CUX2: variants seen among roughly 807,000 people sequenced by gnomAD.
The protein encoded by CUX2 is homeobox protein cut-like 2.
In CUX2, 40 loss-of-function variants were observed where a neutral mutation model predicts 144.8. The observed-to-expected ratio is 0.28, with a 90% CI of 0.21 to 0.36. The LOEUF (loss-of-function observed/expected upper bound fraction) is 0.36, where lower values mean the gene tolerates loss of function less well. Ranked by LOEUF, CUX2 falls within the 10% of genes least tolerant of loss-of-function variation. The pLI, the probability that CUX2 is intolerant of heterozygous loss-of-function variation, is 1.00. For missense variants in CUX2, 1,615 were observed against 1,994.0 expected (o/e 0.81, Z 3.62); for synonymous variants, 827 against 875.6 (o/e 0.94, Z 0.98).
At chr12:111,336,108 G>A (rs1325462217) in intron 19 of CUX2, among the ~76,000 whole-genome samples, 2 of 152,130 alleles carry the variant, frequency 1.3e-5, no homozygotes, top group Non-Finnish European at 2.9e-5. Context: ...CCAGGAAGAC[G>A]TGGAGAACCC....
chr12:111,231,873 TG>T (rs1349895067), intron 3 of CUX2, among the ~76,000 whole-genome samples: 2 of 152,124 alleles, frequency 1.3e-5, no homozygotes, highest in Non-Finnish European at 2.9e-5. Context: ...TTTGGGAGGC[TG>T]GGGCAGGTAG....
chr12:111,341,487 G>T (rs1219110739), intron 20 of CUX2, among the ~76,000 whole-genome samples: 1 of 152,196 alleles, frequency 6.6e-6, no homozygotes, highest in Non-Finnish European at 1.5e-5. Context: ...ATACTGTAGA[G>T]CACCCTGTTT....
rs1887471513 is a variant in CUX2, at chr12:111,320,532, G to C, written c.2523G>C (p.Gly841=). 6.4e-7 allele frequency: 1 copy of C among 1,555,636 alleles called. No individual in the cohort carries two copies. The highest frequency in any genetic ancestry group is 1.2e-5 in the South Asian group (1 of 86,486). Reference sequence around the variant, plus strand: ...CCCCCGAGGACGAGGCGGCGGCAGGGGCGGAGGACGAACCCCCCAGGACGG... The same window carrying C: ...CCCCCGAGGACGAGGCGGCGGCAGGCGCGGAGGACGAACCCCCCAGGACGG... ...PVPPEDEAAA[G]AEDEPPRTGE... Residue 841 remains glycine, a synonymous_variant, in exon 17 of 22, where the codon GGG becomes GGC. Transcript: ENST00000261726. The surrounding 1 kb of genome is among the most constrained non-coding windows in gnomAD (Gnocchi z 8.1).
rs1200984150 is a variant in CUX2, at chr12:111,347,675, A to G, written c.3811A>G (p.Thr1271Ala). The G allele has an allele frequency of 6.2e-7, 1 of 1,613,478 alleles. No homozygotes were observed. Among genetic ancestry groups the G allele is most frequent in the African/African-American group, 1.3e-5 (1 of 74,834 alleles). The change falls in exon 22 of 22, where the codon ACC becomes GCC. Residue 1271 changes from threonine (T) to alanine (A), a missense_variant. Thr to Ala is a moderately conservative substitution (Grantham distance 58). This residue lies in a region of CUX2 where 298 missense variants were observed against 330.4 expected (regional missense o/e 0.90). Coordinates refer to ENST00000261726, the MANE Select transcript of CUX2 (RefSeq NM_015267.4). ...CTCTGAGACTGAGGACCAGAAGCCA[A>G]CCGTGAAGGAACTGGAGCTTCAGGA... ...PDSETEDQKP[T>A]VKELELQEGP... is the part of the protein sequence containing the mutation.
At chr12:111,243,395 C>G (rs1883123896) in intron 3 of CUX2, among the ~76,000 whole-genome samples, 1 of 150,712 alleles carries the variant, frequency 6.6e-6, no homozygotes, top group Non-Finnish European at 1.5e-5. Context: ...TTAATGTCAT[C>G]AAATACCCAG....
intron 1 of CUX2, among the ~76,000 whole-genome samples, chr12:111,047,997 T>A (rs759718651): frequency 4.6e-5 from 7 of 151,980 alleles, no homozygotes; most frequent in Non-Finnish European, 7.4e-5. Context: ...GGCCCTGAGG[T>A]GGGACTCAGC....
intron 1 of CUX2, among the ~76,000 whole-genome samples, chr12:111,063,580 C>T (rs1026677204): frequency 1.3e-5 from 2 of 152,298 alleles, no homozygotes; most frequent in Admixed American, 6.5e-5. Context: ...GGTGGGCTTC[C>T]GTTTTAGATC....
At position 111,320,559 on chromosome 12, in the gene CUX2, C is replaced by T. The variant is rs888797831; in HGVS notation, c.2550C>T (p.Gly850=). ...AGAEDEPPRT[G]ELKAEGATAE... ...CGGAGGACGAACCCCCCAGGACGGGCGAGCTCAAGGCTGAGGGCGCGACGG... is the reference window on the plus strand; with the variant it reads ...CGGAGGACGAACCCCCCAGGACGGGTGAGCTCAAGGCTGAGGGCGCGACGG... Residue 850 remains glycine, a synonymous_variant, in exon 17 of 22, where the codon GGC becomes GGT. Coordinates refer to ENST00000261726, the MANE Select transcript of CUX2 (RefSeq NM_015267.4). The surrounding 1 kb of genome is among the most constrained non-coding windows in gnomAD (Gnocchi z 8.1). 29 of 1,534,354 alleles carry T rather than the reference C, an allele frequency of 1.9e-5. No homozygotes were observed. The highest frequency in any genetic ancestry group is 1.7e-4 in the African/African-American group (12 of 71,920).
chr12:111,329,797 G>A (rs147478232), intron 18 of CUX2, among the ~76,000 whole-genome samples: 1,658 of 152,254 alleles, frequency 0.011, 27 homozygotes, highest in African/African-American at 0.038. Flanking sequence ...AAACACACCT[G>A]GCTAATTTTT....
At chr12:111,233,632 T>G (rs1332821799) in intron 3 of CUX2, among the ~76,000 whole-genome samples, 14 of 152,116 alleles carry the variant, frequency 9.2e-5, no homozygotes, top group Non-Finnish European at 1.9e-4. Context: ...TCTTGAGCAC[T>G]GATTGAGTGT....
At position 111,122,895 on chromosome 12, in the gene CUX2, G is replaced by C. The variant is rs924996885; in HGVS notation, c.63+88655G>C. ...CTTCTTTTAAACAATAATTATTAAA[G>C]AAAGGAAGTTGCAACAGAAGCCCAG... On this transcript the variant is annotated intron_variant, in intron 1 of 21. Coordinates refer to ENST00000261726, the MANE Select transcript of CUX2 (RefSeq NM_015267.4). Among the ~76,000 whole-genome samples, 4 of 152,230 alleles carry C rather than the reference G, an allele frequency of 2.6e-5. No homozygotes were observed. In the South Asian group the frequency reaches 8.3e-4, roughly 32 times the overall value.
At chr12:111,132,119 G>A (rs951886252) in intron 1 of CUX2, among the ~76,000 whole-genome samples, 4 of 152,182 alleles carry the variant, frequency 2.6e-5, no homozygotes, top group Non-Finnish European at 5.9e-5. Context: ...CTGAAATCTC[G>A]ATGGAAGTTC....
chr12:111,128,011 G>A (rs1875201662), intron 1 of CUX2, among the ~76,000 whole-genome samples: 1 of 152,192 alleles, frequency 6.6e-6, no homozygotes, highest in African/African-American at 2.4e-5. Flanking sequence ...TTTGGGTGGG[G>A]ACACAGAGCC....
At chr12:111,280,506 A>G (rs114275403) in intron 4 of CUX2, among the ~76,000 whole-genome samples, 2 of 152,130 alleles carry the variant, frequency 1.3e-5, no homozygotes, top group South Asian at 2.1e-4. Flanking sequence ...AGCAGAGCAG[A>G]TTCCTCTGGC....
rs144493796 is a variant in CUX2, at chr12:111,225,950, A to G, written c.222+8013A>G. 5.3e-5 allele frequency among the ~76,000 whole-genome samples: 8 copies of G among 152,150 alleles called. 1 individual carries two copies. Among genetic ancestry groups the G allele is most frequent in the South Asian group, 2.1e-4 (1 of 4,824 alleles). On this transcript the variant is annotated intron_variant, in intron 3 of 21. Transcript: ENST00000261726. ...TCCCATCCTCTCTACTGCCCCCGAC[A>G]TGCACATGTGCACACACATGACCCA... is the stretch of plus-strand genomic sequence containing the variant.
chr12:111,182,314 C>T (rs1035147535), intron 1 of CUX2, among the ~76,000 whole-genome samples: 2 of 152,210 alleles, frequency 1.3e-5, no homozygotes, highest in African/African-American at 2.4e-5. Context: ...ACCACTTCCA[C>T]GCTAAATCAT....
chr12:111,317,758 G>A (rs1015334619), intron 16 of CUX2, among the ~76,000 whole-genome samples: 5 of 152,158 alleles, frequency 3.3e-5, no homozygotes, highest in Admixed American at 2.6e-4. Flanking sequence ...CACTTTAGGA[G>A]GCCAAGGTGG....
At chr12:111,328,841 G>T (rs1253987122) in intron 18 of CUX2, among the ~76,000 whole-genome samples, 1 of 151,710 alleles carries the variant, frequency 6.6e-6, no homozygotes, top group African/African-American at 2.4e-5. Context: ...ACCCACCTTG[G>T]CCTCCCAAAG....
Position 111,310,231 on chromosome 12 carries a change from C to G in CUX2, c.1449C>G (p.Ser483Arg), listed in dbSNP as rs1300046286. 2.0e-6 allele frequency: 3 copies of G among 1,509,082 alleles called. No homozygotes were observed. Among genetic ancestry groups the G allele is most frequent in the South Asian group, 2.7e-5 (2 of 73,802 alleles). 93.5% of individuals were successfully genotyped at this position (1,509,082 alleles called of 1,614,324 possible). A position where few individuals can be genotyped will look rare whatever the true frequency, so the allele number is the denominator to read the frequency against. Residue 483 changes from serine to arginine, a missense_variant, in exon 15 of 22, where the codon AGC becomes AGG. Coordinates refer to ENST00000261726, the MANE Select transcript of CUX2 (RefSeq NM_015267.4). This position sits in a 1 kb window ranked among gnomAD's most constrained non-coding sequence, Gnocchi z 7.9. ...TRTFSLSPFP[S>R]LASGERLMMP... ...CTTTCTCGCTGTCCCCCTTCCCCAG[C>G]CTGGCATCAGGGGAGAGACTGATGA...
Sources: gnomAD v4.1 joint callset for allele counts (sites outside exome capture counted in the v4.1 genomes callset) on GRCh38, gnomAD v4.1.1 for gene constraint, gnomAD v4.1.1 regional missense constraint, Gnocchi (gnomAD v3.1) non-coding constraint, MANE v1.5 for transcripts, NCBI Gene and HGNC (gene_info 2026-07-23, HGNC 2026-07-21) for gene names.